Variants in ASCC1 observed in about 807,000 individuals in gnomAD.
ASCC1 encodes ASC-1 complex subunit P50.
In ASCC1, 35 loss-of-function variants were observed where a neutral mutation model predicts 46.6. The ratio of observed to expected loss-of-function variants is 0.75; its 90% confidence interval spans 0.57 to 0.99. The LOEUF (loss-of-function observed/expected upper bound fraction) is 0.99, where lower values mean the gene tolerates loss of function less well. ASCC1 is among the 50% of genes least tolerant of loss of function. ASCC1 has a pLI of 0.00. For missense variants in ASCC1, 376 were observed against 428.7 expected (o/e 0.88, Z 1.09); for synonymous variants, 143 against 146.6 (o/e 0.98, Z 0.18).
chr10:72,154,124 A>C (rs931950777), intron 6 of ASCC1, among the ~76,000 whole-genome samples: 1 of 152,244 alleles, frequency 6.6e-6, no homozygotes, highest in Non-Finnish European at 1.5e-5. Context: ...CAAGCTAAGG[A>C]AACAATTTTG....
At position 72,203,649 on chromosome 10, in the gene ASCC1, A is replaced by C. The variant is rs529047536; in HGVS notation, c.213-125T>G. 2.3e-5 allele frequency: 17 copies of C among 745,358 alleles called. No individual in the cohort carries two copies. The African/African-American group carries it at 2.6e-4, about 12-fold the overall frequency. The allele number at this position is 745,358 out of a possible 1,614,324, so 46.2% of individuals were successfully genotyped here. ...AGAAAAGTAGTTCAGTAAAAGCTCA[A>C]TATTTGCGGAAGAAATTACAAGTCA... On this transcript the variant is annotated intron_variant, in intron 3 of 9. Coordinates refer to ENST00000672957, the MANE Select transcript of ASCC1 (RefSeq NM_001198800.3).
At chr10:72,123,574 GTGAACC>G (rs1325967470) in intron 9 of ASCC1, among the ~76,000 whole-genome samples, 4 of 151,998 alleles carry the variant, frequency 2.6e-5, no homozygotes, top group Non-Finnish European at 5.9e-5. Context: ...CAATTTTGCT[GTGAACC>G]TGAAACTGCT....
intron 5 of ASCC1, among the ~76,000 whole-genome samples, chr10:72,165,331 G>A (rs1850205614): frequency 6.6e-6 from 1 of 152,092 alleles, no homozygotes; most frequent in African/African-American, 2.4e-5. Context: ...GGTCAGGCTG[G>A]TCCCAAACTC....
intron 5 of ASCC1, among the ~76,000 whole-genome samples, chr10:72,183,924 G>GC (rs1186434292): frequency 1.3e-5 from 2 of 151,934 alleles, no homozygotes; most frequent in Non-Finnish European, 2.9e-5. Flanking sequence ...AGGGCAGATC[G>GC]CCTGAGGTCA....
intron 7 of ASCC1, among the ~76,000 whole-genome samples, chr10:72,148,226 T>G (rs1045218838): frequency 6.6e-6 from 1 of 152,194 alleles, no homozygotes; most frequent in African/African-American, 2.4e-5. Flanking sequence ...GTGATGAAAC[T>G]GGCAGTATGT....
chr10:72,120,226 T>C (rs1844032213), intron 9 of ASCC1, among the ~76,000 whole-genome samples: 1 of 152,072 alleles, frequency 6.6e-6, no homozygotes, highest in African/African-American at 2.4e-5. Context: ...AGACTCCATC[T>C]CAAATAAATA....
At chr10:72,114,591 T>C (rs1460494122) in intron 9 of ASCC1, among the ~76,000 whole-genome samples, 1 of 137,548 alleles carries the variant, frequency 7.3e-6, no homozygotes, top group Non-Finnish European at 1.5e-5. Context: ...ACCACTGCAC[T>C]CCAGCCTGGG....
chr10:72,202,753 C>T (rs1856668140), intron 4 of ASCC1, among the ~76,000 whole-genome samples: 1 of 152,108 alleles, frequency 6.6e-6, no homozygotes, highest in South Asian at 2.1e-4. Flanking sequence ...AAAGGCTGAA[C>T]TTTATTTTAT....
intron 4 of ASCC1, among the ~76,000 whole-genome samples, chr10:72,201,839 G>C (rs886577900): frequency 2.0e-5 from 3 of 152,098 alleles, no homozygotes; most frequent in African/African-American, 7.2e-5. Context: ...ATGCAAGGCT[G>C]AGATGAGAGG....
chr10:72,148,275 G>A (rs995751161), intron 7 of ASCC1, among the ~76,000 whole-genome samples: 1 of 151,812 alleles, frequency 6.6e-6, no homozygotes, highest in Non-Finnish European at 1.5e-5. Flanking sequence ...TTTGGAAAAA[G>A]AAATACAAAA....
chr10:72,184,276 A>G (rs1250402744), intron 5 of ASCC1, among the ~76,000 whole-genome samples: 1 of 152,114 alleles, frequency 6.6e-6, no homozygotes, highest in African/African-American at 2.4e-5. Flanking sequence ...GAAACAAAAA[A>G]TAAGATGGTA....
intron 7 of ASCC1, among the ~76,000 whole-genome samples, chr10:72,135,890 G>A (rs1217416637): frequency 1.3e-5 from 2 of 152,218 alleles, no homozygotes; most frequent in African/African-American, 4.8e-5. Flanking sequence ...ATACATTCAA[G>A]GACTGGAGAA....
intron 6 of ASCC1, among the ~76,000 whole-genome samples, chr10:72,160,726 T>TA (rs1849553431): frequency 1.5e-5 from 2 of 137,164 alleles, no homozygotes; most frequent in South Asian, 2.3e-4. Flanking sequence ...AAAATAATAA[T>TA]AAAAAAAGTT....
Sources: gnomAD v4.1 joint callset for allele counts (sites outside exome capture counted in the v4.1 genomes callset) on GRCh38, gnomAD v4.1.1 for gene constraint, MANE v1.5 for transcripts, NCBI Gene and HGNC (gene_info 2026-07-23, HGNC 2026-07-21) for gene names.